TP63: variants seen among roughly 807,000 people sequenced by gnomAD.
TP63 encodes tumor protein 63.
Under a neutral mutation model 82.8 loss-of-function variants are expected in TP63, and 17 were observed. That is an observed-to-expected ratio of 0.21 (90% CI 0.14 to 0.31). The LOEUF is 0.31. Ranked by LOEUF, TP63 falls within the 10% of genes least tolerant of loss-of-function variation. The pLI is 1.00. For synonymous variants in TP63, 330 were observed against 321.7 expected (o/e 1.03, Z -0.28); for missense variants, 648 against 895.3 (o/e 0.72, Z 3.52).
At chr3:189,674,035 G>GT (rs1715169576) in intron 1 of TP63, among the ~76,000 whole-genome samples, 1 of 151,994 alleles carries the variant, frequency 6.6e-6, no homozygotes, top group Non-Finnish European at 1.5e-5. Context: ...GATTGATAGC[G>GT]TAAGTGAAGA....
At chr3:189,721,532 A>C (rs1321882967) in intron 1 of TP63, among the ~76,000 whole-genome samples, 1 of 151,952 alleles carries the variant, frequency 6.6e-6, no homozygotes, top group East Asian at 1.9e-4. Flanking sequence ...GTGGCAAGAC[A>C]CAACAAGAAT....
At chr3:189,774,520 G>T (rs1448990278) in intron 3 of TP63, among the ~76,000 whole-genome samples, 5 of 152,156 alleles carry the variant, frequency 3.3e-5, no homozygotes, top group Admixed American at 3.3e-4. Flanking sequence ...AGGGGGCCTT[G>T]CAGTAAGTAG....
chr3:189,851,667 G>A (rs1715648160), intron 4 of TP63, among the ~76,000 whole-genome samples: 1 of 152,164 alleles, frequency 6.6e-6, no homozygotes, highest in Admixed American at 6.5e-5. Context: ...GTGAACAAGG[G>A]CAGGCGGTCC....
chr3:189,652,643 A>G (rs1403319285), intron 1 of TP63, among the ~76,000 whole-genome samples: 4 of 146,502 alleles, frequency 2.7e-5, no homozygotes, highest in African/African-American at 1.0e-4. Context: ...TTGGAGGGGC[A>G]CAGTGCAGAA....
chr3:189,868,093 A>G (rs1000418612), intron 7 of TP63, 151 bp downstream of exon 7: 3 of 746,450 alleles, frequency 4.0e-6, no homozygotes, highest in Admixed American at 2.1e-5. Flanking sequence ...GTTACATAAA[A>G]GATCTAAGAA....
chr3:189,659,364 G>A (rs1014751557), intron 1 of TP63, among the ~76,000 whole-genome samples: 34 of 151,992 alleles, frequency 2.2e-4, no homozygotes. Context: ...AGCTGCATCT[G>A]TGTTGCTGCA....
intron 1 of TP63, among the ~76,000 whole-genome samples, chr3:189,695,951 A>C (rs1717346133): frequency 2.0e-5 from 3 of 151,910 alleles, no homozygotes; most frequent in Non-Finnish European, 4.4e-5. Context: ...CCTCCCTTCC[A>C]CTTCTTTAGT....
intron 3 of TP63, among the ~76,000 whole-genome samples, chr3:189,773,962 A>G (rs558228562): frequency 7.0e-4 from 82 of 117,494 alleles, no homozygotes; most frequent in Admixed American, 2.1e-3. Context: ...TCGCTCTGTC[A>G]CCCAGGCTGG....
the TP63 span, among the ~76,000 whole-genome samples, chr3:189,600,906 A>G: frequency 1.3e-5 from 2 of 152,248 alleles, no homozygotes; most frequent in African/African-American, 2.4e-5. Flanking sequence ...TCAGATGTCC[A>G]TTAAAGAGCA....
chr3:189,753,153 A>G (rs1373262570), intron 3 of TP63, among the ~76,000 whole-genome samples: 1 of 152,070 alleles, frequency 6.6e-6, no homozygotes, highest in Non-Finnish European at 1.5e-5. Flanking sequence ...TGTCAATTAG[A>G]TATAGTTGAT....
chr3:189,885,207 T>C (rs1253171034), intron 10 of TP63, among the ~76,000 whole-genome samples: 1 of 152,212 alleles, frequency 6.6e-6, no homozygotes, highest in African/African-American at 2.4e-5. Context: ...TAAAGTCCAG[T>C]CTTCATTCTG....
rs538524578 is a variant in TP63, at chr3:189,698,500, A to G, written c.63-39240A>G. Among the ~76,000 whole-genome samples the G allele has an allele frequency of 2.0e-5, 3 of 152,264 alleles. No individual in the cohort carries two copies. In the South Asian group the frequency reaches 6.2e-4, roughly 32 times the overall value. ...CGAAGGGGGAATAGAGAATGTAATG[A>G]TACCTTTCTAAAGCCAGAATGCCTG... On this transcript the variant is annotated intron_variant, in intron 1 of 13. Coordinates refer to ENST00000264731, the MANE Select transcript of TP63 (RefSeq NM_003722.5).
chr3:189,840,252 C>A (rs549274104), intron 4 of TP63, among the ~76,000 whole-genome samples: 5 of 151,154 alleles, frequency 3.3e-5, no homozygotes, highest in Admixed American at 2.6e-4. Context: ...ATGCAGTAAT[C>A]CTCAAAAAGG....
In TP63 at chr3:189,886,456, G is replaced by A. The variant is rs756980788; in HGVS notation, c.1412G>A (p.Ser471Asn). ...NSSPPLNKMNSMNKLPSVSQL... is the reference protein window; with the variant it reads ...NSSPPLNKMNNMNKLPSVSQL... ...TCCCCACCTCTGAACAAAATGAACA[G>A]CATGAACAAGCTGCCTTCTGTGAGC... The change falls in exon 11 of 14, where the codon AGC (serine) becomes AAC (asparagine). Residue 471 changes from serine to asparagine, a missense_variant. Ser to Asn is a conservative substitution (Grantham distance 46, BLOSUM62 1). This residue lies in a region of TP63 where 342 missense variants were observed against 425.7 expected (regional missense o/e 0.80). Coordinates refer to ENST00000264731, the MANE Select transcript of TP63 (RefSeq NM_003722.5). 1.9e-6 allele frequency: 3 copies of A among 1,614,064 alleles called. No individual in the cohort carries two copies. The South Asian group carries it at 3.3e-5, about 18-fold the overall frequency.
chr3:189,661,251 T>A (rs1213456479), intron 1 of TP63, among the ~76,000 whole-genome samples: 1 of 152,116 alleles, frequency 6.6e-6, no homozygotes, highest in East Asian at 1.9e-4. Context: ...ATTCCTTTGA[T>A]GCCTAGTTTC....
At chr3:189,747,197 A>G (rs1721446971) in intron 3 of TP63, among the ~76,000 whole-genome samples, 1 of 152,094 alleles carries the variant, frequency 6.6e-6, no homozygotes, top group Non-Finnish European at 1.5e-5. Context: ...GAGATCATCT[A>G]GAAAGTTAAG....
intron 1 of TP63, among the ~76,000 whole-genome samples, chr3:189,663,013 A>C (rs1577197606): frequency 8.4e-6 from 1 of 118,450 alleles, no homozygotes; most frequent in South Asian, 2.9e-4. Flanking sequence ...AAGTGCTCTG[A>C]ATTTTTTTTT....
chr3:189,667,168 A>ATT lies in TP63; in HGVS notation c.62+35611_62+35612dup, dbSNP rs11439554. On this transcript the variant is annotated intron_variant, in intron 1 of 13. Transcript: ENST00000264731. Reference sequence around the variant, plus strand: ...CACTGAAGCTAAGGCAGAAGTTAGAATTTTTTTTTTTTTTTTTTTTTGAGA... The same window carrying ATT: ...CACTGAAGCTAAGGCAGAAGTTAGAATTTTTTTTTTTTTTTTTTTTTTTGAGA... 4.0e-3 allele frequency among the ~76,000 whole-genome samples: 485 copies of ATT among 122,046 alleles called. 6 individuals carry two copies. The highest frequency in any genetic ancestry group is 0.014 in the South Asian group (50 of 3,654). 80.1% of individuals were successfully genotyped at this position (122,046 alleles called of 152,430 possible). A position where few individuals can be genotyped will look rare whatever the true frequency, so the allele number is the denominator to read the frequency against.
rs11295512 is a variant in TP63, at chr3:189,675,920, C to CT, written c.62+44351dup. ...GAATAAGCATGTGCTCCCACAAGTC[C>CT]TTTTTTTTCCAGTAGAGCCAGAAAC... On this transcript the variant is annotated intron_variant, in intron 1 of 13. Transcript: ENST00000264731. Among the ~76,000 whole-genome samples the CT allele has an allele frequency of 3.8e-5, 5 of 131,704 alleles. No individual in the cohort carries two copies. In the East Asian group the frequency reaches 6.8e-4, roughly 18 times the overall value. 86.4% of individuals were successfully genotyped at this position (131,704 alleles called of 152,430 possible).
Sources: gnomAD v4.1 joint callset for allele counts (sites outside exome capture counted in the v4.1 genomes callset) on GRCh38, gnomAD v4.1.1 for gene constraint, gnomAD v4.1.1 regional missense constraint, MANE v1.5 for transcripts, NCBI Gene and HGNC (gene_info 2026-07-23, HGNC 2026-07-21) for gene names.